Variants in GGT5 observed in about 807,000 individuals in gnomAD.
The protein encoded by GGT5 is glutathione hydrolase 5 proenzyme.
Under a neutral mutation model 58.1 loss-of-function variants are expected in GGT5, and 50 were observed. The observed-to-expected ratio is 0.86, with a 90% CI of 0.69 to 1.09. GGT5 has a LOEUF of 1.09. GGT5 is among the 50% of genes least tolerant of loss of function. The probability of loss-of-function intolerance (pLI) is 0.00; values close to 1 mark genes in which losing one functional copy is unlikely to be tolerated. For missense variants in GGT5, 800 were observed against 789.4 expected (o/e 1.01, Z -0.16); for synonymous variants, 370 against 346.1 (o/e 1.07, Z -0.77).
chr22:24,225,226 C>G lies in GGT5; in HGVS notation c.1503+19G>C. On this transcript the variant is annotated intron_variant, in intron 10 of 11. Transcript: ENST00000327365. The stretch of plus-strand genomic sequence containing the variant: ...GCTGCCCAGAGAGGAGACACTCGAG[C>G]CAGGAGCCCCAGACTCACCTGGGCC... The G allele has an allele frequency of 6.2e-7, 1 of 1,610,894 alleles. No individual in the cohort carries two copies. Among genetic ancestry groups the G allele is most frequent in the Non-Finnish European group, 8.5e-7 (1 of 1,178,176 alleles).
At position 24,244,669 on chromosome 22, in the gene GGT5, C is replaced by T. The variant is rs780735956; in HGVS notation, c.57G>A (p.Ala19=). 1.8e-5 allele frequency: 29 copies of T among 1,612,682 alleles called. No homozygotes were observed. Among genetic ancestry groups the T allele is most frequent in the Middle Eastern group, 1.8e-4 (1 of 5,406 alleles). The change falls in exon 1 of 12, where the codon GCG becomes GCA. Residue 19 remains alanine (A), a synonymous_variant. Transcript: ENST00000327365. The part of the protein sequence containing the change: ...VSLVLLGLGL[A]LAVIVLAVVL... ...CCACAGCCAGCACAATGACAGCCAG[C>T]GCCAGCCCCAGACCCAGCAGGACTA...
chr22:24,238,760 A>AAT (rs35687403), intron 1 of GGT5, among the ~76,000 whole-genome samples: 2,643 of 36,676 alleles, frequency 0.072, 389 homozygotes, highest in South Asian at 0.096. Context: ...ATATATATGG[A>AAT]ATATATATAT....
chr22:24,234,587 A>C (rs1193103758), intron 1 of GGT5, among the ~76,000 whole-genome samples: 1 of 152,200 alleles, frequency 6.6e-6, no homozygotes, highest in African/African-American at 2.4e-5. Context: ...TGGGAGGCCG[A>C]GGCGGATAGA....
At position 24,228,065 on chromosome 22, in the gene GGT5, A is replaced by C. The variant is rs868842421; in HGVS notation, c.902-1298T>G. 6.0e-3 allele frequency among the ~76,000 whole-genome samples: 532 copies of C among 88,862 alleles called. 19 individuals are homozygous for C. The highest frequency in any genetic ancestry group is 0.013 in the African/African-American group (272 of 21,664). The allele number at this position is 88,862 out of a possible 152,430, so 58.3% of individuals were successfully genotyped here. On this transcript the variant is annotated intron_variant, in intron 6 of 11. Coordinates refer to ENST00000327365, the MANE Select transcript of GGT5 (RefSeq NM_004121.5). The stretch of plus-strand genomic sequence containing the variant: ...CTCTGTCTCAAAAAAAAAAAAAAAA[A>C]ACAAAACAAAAAAAAAAAAACTCTG...
intron 11 of GGT5, among the ~76,000 whole-genome samples, chr22:24,221,602 C>T (rs117527642): frequency 6.6e-6 from 1 of 152,232 alleles, no homozygotes; most frequent in East Asian, 1.9e-4. Flanking sequence ...AACTTCCCCT[C>T]CCAGGTTCAA....
chr22:24,235,780 C>T (rs6004108), intron 1 of GGT5, among the ~76,000 whole-genome samples: 40,559 of 152,138 alleles, frequency 0.27, 5,952 homozygotes, highest in African/African-American at 0.4. Flanking sequence ...CCCTTGCTTC[C>T]CCAACCTGTC....
intron 4 of GGT5, 134 bp from the exon 5 acceptor site, chr22:24,232,342 T>C: frequency 1.8e-6 from 1 of 560,968 alleles, no homozygotes; most frequent in Non-Finnish European, 3.1e-6. Context: ...GGCACTGGGG[T>C]GGACACCGGG....
chr22:24,235,903 G>C (rs992206495), intron 1 of GGT5, among the ~76,000 whole-genome samples: 1 of 152,088 alleles, frequency 6.6e-6, no homozygotes, highest in Non-Finnish European at 1.5e-5. Flanking sequence ...CACCCACCTC[G>C]CCCACCCTGC....
At chr22:24,233,146 T>C in intron 3 of GGT5, 128 bp from the exon 4 acceptor site, 1 of 695,582 alleles carries the variant, frequency 1.4e-6, no homozygotes, top group South Asian at 2.1e-5. Context: ...CCCGACCACG[T>C]CCCTCCCTGC....
At chr22:24,229,855 A>G (rs1001120975) in intron 6 of GGT5, among the ~76,000 whole-genome samples, 1 of 151,554 alleles carries the variant, frequency 6.6e-6, no homozygotes, top group Non-Finnish European at 1.5e-5. Flanking sequence ...CATCTCAAAA[A>G]AAAAAAGAAA....
chr22:24,225,569 C>G lies in GGT5; in HGVS notation c.1313G>C (p.Gly438Ala), dbSNP rs367693056. Residue 438 changes from glycine to alanine, a missense_variant, in exon 9 of 12, where the codon GGT becomes GCT. Physicochemically the swap from Gly to Ala is moderately conservative, Grantham distance 60. Coordinates refer to ENST00000327365, the MANE Select transcript of GGT5 (RefSeq NM_004121.5). ...ACCAGGTGAGGGGGTGGTGCCGGAA[C>G]CCCGGGGGCATCGCTCGCATAAGTC... The part of the protein sequence containing the change: ...LLDLCERCPR[G>A]SGTTPSPVSG... 14 of 1,612,430 alleles carry G rather than the reference C, an allele frequency of 8.7e-6. No homozygotes were observed. The highest frequency in any genetic ancestry group is 1.0e-5 in the Non-Finnish European group (12 of 1,178,494).
intron 1 of GGT5, among the ~76,000 whole-genome samples, chr22:24,235,728 C>A (rs2048076930): frequency 6.6e-6 from 1 of 152,180 alleles, no homozygotes; most frequent in Non-Finnish European, 1.5e-5. Flanking sequence ...TTTAAACTCC[C>A]ATCCCAGACA....
chr22:24,224,562 C>A (rs1330571134), intron 11 of GGT5, among the ~76,000 whole-genome samples: 1 of 152,020 alleles, frequency 6.6e-6, no homozygotes, highest in Non-Finnish European at 1.5e-5. Context: ...ACCACCAATG[C>A]CCTAGTGCCC....
chr22:24,236,439 C>T (rs1002195754), intron 1 of GGT5, among the ~76,000 whole-genome samples: 1 of 152,112 alleles, frequency 6.6e-6, no homozygotes, highest in Non-Finnish European at 1.5e-5. Flanking sequence ...CAGGCCCCAG[C>T]GTTGGCCTTG....
intron 8 of GGT5, 110 bp downstream of exon 8, chr22:24,225,966 A>G: frequency 1.3e-6 from 1 of 784,848 alleles, no homozygotes; most frequent in Non-Finnish European, 2.0e-6. Flanking sequence ...GAAAAAGGGC[A>G]AAAGCAAGGT....
intron 7 of GGT5, 144 bp downstream of exon 7, chr22:24,226,487 G>T: frequency 2.2e-6 from 2 of 908,006 alleles, no homozygotes; most frequent in East Asian, 2.5e-5. Flanking sequence ...CTGCCACCCC[G>T]GGATCCCTTT....
rs1440597009 is a variant in GGT5 at position 24,225,680 on chromosome 22, G to A, written c.1230-28C>T. ...GCAGCCGTGGAGGCAGAAGAGCCTG[G>A]GCTAGGACCCGGGGCTCCCACCAGA... On this transcript the variant is annotated intron_variant, in intron 8 of 11. Coordinates refer to ENST00000327365, the MANE Select transcript of GGT5 (RefSeq NM_004121.5). 4 of 1,428,616 alleles carry A rather than the reference G, an allele frequency of 2.8e-6. No homozygotes were observed. In the Admixed American group the frequency reaches 6.9e-5, roughly 25 times the overall value. 88.5% of individuals were successfully genotyped at this position (1,428,616 alleles called of 1,614,324 possible). A position where few individuals can be genotyped will look rare whatever the true frequency, so the allele number is the denominator to read the frequency against.
chr22:24,226,015 G>T, intron 8 of GGT5, 61 bp downstream of exon 8: 2 of 1,192,576 alleles, frequency 1.7e-6, no homozygotes, highest in South Asian at 1.5e-5. Context: ...ATGGGGCTGG[G>T]GGTGTGCAGG....
chr22:24,239,873 G>C (rs532835670), intron 1 of GGT5, among the ~76,000 whole-genome samples: 1 of 151,576 alleles, frequency 6.6e-6, no homozygotes, highest in Non-Finnish European at 1.5e-5. Flanking sequence ...CTTAAGGTGA[G>C]GAGTTCAAGA....
Sources: allele counts gnomAD v4.1 joint callset (sites outside exome capture counted in the v4.1 genomes callset), GRCh38; gene constraint gnomAD v4.1.1; transcripts MANE v1.5; gene names NCBI Gene and HGNC (gene_info 2026-07-23, HGNC 2026-07-21).